The following HEPH variants were observed in gnomAD, a reference collection of about 807,000 sequenced individuals.
HEPH encodes hephaestin.
Under a neutral mutation model 80.8 loss-of-function variants are expected in HEPH, and 69 were observed. That is an observed-to-expected ratio of 0.85 (90% CI 0.70 to 1.04). The LOEUF (loss-of-function observed/expected upper bound fraction) is 1.04. Among genes scored for constraint, HEPH ranks in the 50% least tolerant of loss-of-function variants. HEPH has a pLI of 0.00. For synonymous variants in HEPH, 431 were observed against 322.8 expected, an observed-to-expected ratio of 1.34 and a Z score of -3.60; for missense variants, 1,115 against 891.3, an observed-to-expected ratio of 1.25 and a Z score of -3.20.
At chrX:66,229,423 T>A (rs192994961) in intron 15 of HEPH, among the ~76,000 whole-genome samples, 8 of 110,900 alleles carry the variant, frequency 7.2e-5, no homozygotes, top group African/African-American at 2.6e-4. Context: ...TGCATAAGAA[T>A]GATACAATGA....
At chrX:66,236,181 G>T (rs144571073) in intron 15 of HEPH, among the ~76,000 whole-genome samples, 3 of 111,216 alleles carry the variant, frequency 2.7e-5, no homozygotes, top group Non-Finnish European at 3.8e-5. Flanking sequence ...TCCTCTTCTC[G>T]TGCTGGTTTT....
intron 15 of HEPH, among the ~76,000 whole-genome samples, chrX:66,244,983 A>G (rs1347160541): frequency 9.0e-6 from 1 of 110,650 alleles, no homozygotes; most frequent in Admixed American, 9.7e-5. Context: ...ATGAAACATT[A>G]TGTGTAGAAA....
intron 17 of HEPH, among the ~76,000 whole-genome samples, chrX:66,257,271 G>T (rs377529229): frequency 2.7e-5 from 3 of 111,454 alleles, no homozygotes; most frequent in East Asian, 2.8e-4. Context: ...TAATGCAGGG[G>T]TTTGGCTAAT....
chrX:66,260,650 A>G (rs769340208), intron 19 of HEPH, among the ~76,000 whole-genome samples: 16 of 112,681 alleles, frequency 1.4e-4, no homozygotes, highest in Non-Finnish European at 2.2e-4. Flanking sequence ...AGAGTAACTG[A>G]TTATTTCAAG....
intron 19 of HEPH, among the ~76,000 whole-genome samples, chrX:66,261,507 G>A (rs1185965025): frequency 9.6e-5 from 10 of 104,109 alleles, no homozygotes; most frequent in Non-Finnish European, 1.9e-4. Flanking sequence ...GCCCTGTAGA[G>A]CCTTTTGGGA....
chrX:66,220,887 G>A (rs999786489), intron 15 of HEPH, among the ~76,000 whole-genome samples: 3 of 110,962 alleles, frequency 2.7e-5, no homozygotes, highest in Non-Finnish European at 3.8e-5. Flanking sequence ...ACCTTGCATA[G>A]GATAGCATGA....
intron 4 of HEPH, among the ~76,000 whole-genome samples, chrX:66,176,103 G>GTT (rs2086792108): frequency 9.0e-6 from 1 of 111,618 alleles, no homozygotes. Flanking sequence ...AGTTCTCAAA[G>GTT]GGAATGCTTT....
intron 4 of HEPH, among the ~76,000 whole-genome samples, chrX:66,180,136 A>G (rs1228437408): frequency 1.9e-5 from 2 of 107,531 alleles, no homozygotes; most frequent in African/African-American, 6.8e-5. Flanking sequence ...TTGCCTGTGT[A>G]CCTTGTTTTT....
At chrX:66,236,987 G>T (rs941219556) in intron 15 of HEPH, among the ~76,000 whole-genome samples, 1 of 111,155 alleles carries the variant, frequency 9.0e-6, no homozygotes, top group Non-Finnish European at 1.9e-5. Context: ...ATTTCTAATT[G>T]TGTTTATTTG....
At chrX:66,219,290 C>T (rs757906020) in intron 15 of HEPH, among the ~76,000 whole-genome samples, 2 of 111,838 alleles carry the variant, frequency 1.8e-5, no homozygotes, top group Non-Finnish European at 3.8e-5. Context: ...GCCCCAGGAT[C>T]GAATCCATGC....
chrX:66,192,242 C>T lies in HEPH; in HGVS notation c.1176C>T (p.Asp392=), dbSNP rs755374031. The T allele has an allele frequency of 8.3e-7, 1 of 1,211,238 alleles. No individual in the cohort carries two copies. The highest frequency in any genetic ancestry group is 2.2e-5 in the Admixed American group (1 of 46,045). ...YFIEAHEIQW[D]YGPMGHDGST... is the part of the protein sequence containing the mutation. ...TTGAGGCCCATGAGATTCAATGGGA[C>T]TATGGCCCGATGGGGCATGATGGGA... Residue 392 remains aspartate, a synonymous_variant, in exon 7 of 21, where the codon GAC becomes GAT. Coordinates refer to ENST00000343002, the MANE Select transcript of HEPH (RefSeq NM_001367233.3).
Position 66,260,174 on chromosome X carries a change from C to A in HEPH, c.3111C>A (p.Ser1037Arg), listed in dbSNP as rs778830083. Reference sequence around the variant, plus strand: ...TTGAGGTTGTGGAGATGGTGGCCAGCAACCCTGGGACATGGCTGATGCACT... The same window carrying A: ...TTGAGGTTGTGGAGATGGTGGCCAGAAACCCTGGGACATGGCTGATGCACT... The part of the protein sequence containing the change: ...GTFEVVEMVA[S>R]NPGTWLMHCH... Residue 1037 changes from serine (S) to arginine (R), a missense_variant, in exon 19 of 21, where the codon AGC (serine) becomes AGA (arginine). Ser to Arg is a moderately radical substitution (Grantham distance 110). Around this residue, in one of 3 missense-constraint regions of HEPH, gnomAD observed 716 missense variants for 523.5 expected, o/e 1.37. Transcript: ENST00000343002. 1 of 1,206,835 alleles carries A rather than the reference C, an allele frequency of 8.3e-7. No individual in the cohort carries two copies.
chrX:66,193,659 G>C (rs1569312828), intron 8 of HEPH, 21 bp downstream of exon 8: 1 of 1,149,378 alleles, frequency 8.7e-7, no homozygotes, highest in East Asian at 3.0e-5. Context: ...TTTAAATTAT[G>C]AAATTCATTT....
intron 7 of HEPH, 74 bp downstream of exon 7, chrX:66,192,372 G>C: frequency 9.9e-7 from 1 of 1,009,424 alleles, no homozygotes; most frequent in Non-Finnish European, 1.4e-6. Flanking sequence ...CTTTCTTCCA[G>C]AAATCTCTCA....
At chrX:66,238,298 A>G (rs908001446) in intron 15 of HEPH, among the ~76,000 whole-genome samples, 1 of 111,249 alleles carries the variant, frequency 9.0e-6, no homozygotes, top group Non-Finnish European at 1.9e-5. Flanking sequence ...GAGCTCTTGT[A>G]AGGCAGTTCT....
chrX:66,252,855 A>T (rs144638983), intron 15 of HEPH, among the ~76,000 whole-genome samples: 1,568 of 112,323 alleles, frequency 0.014, 29 homozygotes, highest in African/African-American at 0.048. Flanking sequence ...TCAATGGAAA[A>T]AAATAGTCTT....
At chrX:66,176,076 C>T (rs1445504349) in intron 4 of HEPH, among the ~76,000 whole-genome samples, 1 of 111,388 alleles carries the variant, frequency 9.0e-6, no homozygotes, top group Non-Finnish European at 1.9e-5. Context: ...TGAGAGTGGG[C>T]ATCCTTGTCT....
chrX:66,199,295 A>G (rs1243471826), intron 11 of HEPH, among the ~76,000 whole-genome samples: 1 of 111,119 alleles, frequency 9.0e-6, no homozygotes, highest in Non-Finnish European at 1.9e-5. Flanking sequence ...GAGATTGTGA[A>G]GAATAAGCCA....
chrX:66,193,597 A>C lies in HEPH; in HGVS notation c.1328A>C (p.Glu443Ala). ...GCCTTTCAAGATGAGACATTCCAAG[A>C]GAAGATGCATTTGGAGGAAGATAGG... ...YEAFQDETFQ[E>A]KMHLEEDRHL... is the part of the protein sequence containing the mutation. Residue 443 changes from glutamate (E) to alanine (A), a missense_variant, in exon 8 of 21, where the codon GAG becomes GCG. This residue lies in a region of HEPH where 391 missense variants were observed against 343.6 expected (regional missense o/e 1.14). Transcript: ENST00000343002. 1 of 1,195,474 alleles carries C rather than the reference A, an allele frequency of 8.4e-7. No homozygotes were observed. The highest frequency in any genetic ancestry group is 1.8e-5 in the South Asian group (1 of 54,251).
Sources: allele counts gnomAD v4.1 joint callset (sites outside exome capture counted in the v4.1 genomes callset), GRCh38; gene constraint gnomAD v4.1.1; regional missense constraint gnomAD v4.1.1; transcripts MANE v1.5; gene names NCBI Gene and HGNC (gene_info 2026-07-23, HGNC 2026-07-21).